Variants in ANKRD17 observed in about 807,000 individuals in gnomAD.
The protein encoded by ANKRD17 is ankyrin repeat domain 17, also known as ankyrin repeat domain-containing protein 17.
A neutral mutation model predicts 229.7 loss-of-function variants in ANKRD17; 19 were observed. The observed-to-expected ratio is 0.08, with a 90% CI of 0.06 to 0.12. The LOEUF is 0.12. Ranked by LOEUF, ANKRD17 falls within the 10% of genes least tolerant of loss-of-function variation. The pLI is 1.00. For synonymous variants in ANKRD17, 1,112 were observed against 1,146.1 expected (o/e 0.97, Z 0.60); for missense variants, 2,176 against 3,176.8 (o/e 0.68, Z 7.57).
chr4:73,158,152 AAAAGAAAGAAAGAAAG>A lies in ANKRD17; in HGVS notation c.705-2002_705-1987del, dbSNP rs71215492. Among the ~76,000 whole-genome samples, 424 of 128,808 alleles carry A rather than the reference AAAAGAAAGAAAGAAAG, an allele frequency of 3.3e-3. 5 individuals carry two copies. Among genetic ancestry groups the A allele is most frequent in the African/African-American group, 0.012 (402 of 34,418 alleles). 84.5% of individuals were successfully genotyped at this position (128,808 alleles called of 152,430 possible). A position where few individuals can be genotyped will look rare whatever the true frequency, so the allele number is the denominator to read the frequency against. Reference sequence around the variant, plus strand: ...AGAAGGAGAAAGAAAGAAAGGAAGAAAAAGAAAGAAAGAAAGAAAGAAAGAAAGAAAGAAAGAGAGA... The same window carrying A: ...AGAAGGAGAAAGAAAGAAAGGAAGAAAAAGAAAGAAAGAAAGAAAGAGAGA... On this transcript the variant is annotated intron_variant, in intron 3 of 33. Coordinates refer to ENST00000358602, the MANE Select transcript of ANKRD17 (RefSeq NM_032217.5).
At chr4:73,150,084 TTAC>T (rs1269853728) in intron 7 of ANKRD17, among the ~76,000 whole-genome samples, 2 of 152,194 alleles carry the variant, frequency 1.3e-5, no homozygotes, top group Admixed American at 6.5e-5. Flanking sequence ...TTTTAATGGC[TTAC>T]TACTTTTTTT....
chr4:73,148,450 A>C (rs1730574232), intron 8 of ANKRD17, among the ~76,000 whole-genome samples: 1 of 152,172 alleles, frequency 6.6e-6, no homozygotes, highest in Non-Finnish European at 1.5e-5. Context: ...AAAACATTAG[A>C]TCTATTAAAT....
At chr4:73,235,259 T>C (rs1447558685) in intron 1 of ANKRD17, among the ~76,000 whole-genome samples, 1 of 152,154 alleles carries the variant, frequency 6.6e-6, no homozygotes, top group Non-Finnish European at 1.5e-5. Context: ...GAATATCCCA[T>C]TCCCATCTCC....
At chr4:73,231,317 G>A (rs1230647082) in intron 1 of ANKRD17, among the ~76,000 whole-genome samples, 1 of 152,144 alleles carries the variant, frequency 6.6e-6, no homozygotes, top group African/African-American at 2.4e-5. Flanking sequence ...AAAATAATCA[G>A]GAAGTAAAAA....
intron 21 of ANKRD17, 135 bp from the exon 22 acceptor site, chr4:73,118,985 C>T: frequency 1.2e-6 from 1 of 866,200 alleles, no homozygotes; most frequent in South Asian, 1.9e-5. Context: ...CTCCAGGGGT[C>T]ATATGATTCT....
intron 1 of ANKRD17, among the ~76,000 whole-genome samples, chr4:73,196,008 T>C (rs940324394): frequency 3.4e-5 from 5 of 146,768 alleles, no homozygotes; most frequent in Admixed American, 1.3e-4. Context: ...ATGTTTCTTT[T>C]TTTTTTTTTT....
intron 1 of ANKRD17, among the ~76,000 whole-genome samples, chr4:73,198,568 G>T (rs1738209073): frequency 6.6e-6 from 1 of 151,982 alleles, no homozygotes; most frequent in Non-Finnish European, 1.5e-5. Flanking sequence ...AAAGGAGAAA[G>T]AAAAATTAAA....
At chr4:73,120,809 C>A (rs1726633785) in intron 20 of ANKRD17, 72 bp downstream of exon 20, 1 of 1,321,138 alleles carries the variant, frequency 7.6e-7, no homozygotes, top group Non-Finnish European at 1.0e-6. Flanking sequence ...AAATTATAAT[C>A]AACATGTTGC....
At chr4:73,220,037 T>A (rs1029461638) in intron 1 of ANKRD17, among the ~76,000 whole-genome samples, 8 of 152,132 alleles carry the variant, frequency 5.3e-5, no homozygotes, top group Admixed American at 3.3e-4. Flanking sequence ...AAAGCCAACA[T>A]ATAAACCACA....
At chr4:73,206,428 G>A (rs1264483610) in intron 1 of ANKRD17, among the ~76,000 whole-genome samples, 1 of 113,054 alleles carries the variant, frequency 8.8e-6, no homozygotes, top group Non-Finnish European at 2.0e-5. Context: ...AAGAAAGTGA[G>A]AGAGAGAGAG....
At chr4:73,082,158 A>T (rs917779595) in intron 30 of ANKRD17, among the ~76,000 whole-genome samples, 43 of 18,278 alleles carry the variant, frequency 2.4e-3, no homozygotes, top group Admixed American at 6.6e-3. Flanking sequence ...TTTTTATTTA[A>T]AAAAAAAAAA....
intron 29 of ANKRD17, among the ~76,000 whole-genome samples, chr4:73,089,134 C>T (rs1722511202): frequency 6.6e-6 from 1 of 150,798 alleles, no homozygotes; most frequent in Non-Finnish European, 1.5e-5. Flanking sequence ...GCCTCTAGGG[C>T]TCAAGTCATC....
At chr4:73,177,646 A>G (rs1734913591) in intron 1 of ANKRD17, 113 bp from the exon 2 acceptor site, 1 of 758,634 alleles carries the variant, frequency 1.3e-6, no homozygotes. Context: ...AACATAATTA[A>G]CAATGGTAAA....
At chr4:73,125,689 C>T (rs976895383) in intron 16 of ANKRD17, among the ~76,000 whole-genome samples, 5 of 148,568 alleles carry the variant, frequency 3.4e-5, no homozygotes, top group African/African-American at 1.0e-4. Flanking sequence ...ACCAAGATCA[C>T]GCCACTGCAC....
intron 3 of ANKRD17, 58 bp from the exon 4 acceptor site, chr4:73,156,224 C>T: frequency 6.6e-7 from 1 of 1,512,484 alleles, no homozygotes; most frequent in Non-Finnish European, 8.8e-7. Flanking sequence ...AATTGCACAG[C>T]ATAAATATTG....
intron 25 of ANKRD17, chr4:73,101,088 T>G: frequency 1.2e-6 from 1 of 854,342 alleles, no homozygotes; most frequent in Middle Eastern, 6.0e-4. Flanking sequence ...AGAATGTGCA[T>G]AATTTTTATG....
intron 2 of ANKRD17, among the ~76,000 whole-genome samples, chr4:73,164,516 A>T (rs1274318649): frequency 6.6e-6 from 1 of 152,172 alleles, no homozygotes; most frequent in Non-Finnish European, 1.5e-5. Context: ...GAAAAACAGA[A>T]AAGAGCTGGG....
rs1490534399 is a variant in ANKRD17, at chr4:73,163,052, G to A, written c.548-1704C>T. ...TGCTTTTTTTTTTTTTTTTGTTAGA[G>A]ACAGGGTCTCACTATGTTGCCCAAG... On this transcript the variant is annotated intron_variant, in intron 2 of 33. Transcript: ENST00000358602. Among the ~76,000 whole-genome samples the A allele has an allele frequency of 2.0e-5, 3 of 148,402 alleles. No homozygotes were observed. In the East Asian group the frequency reaches 5.9e-4, roughly 29 times the overall value.
At chr4:73,239,880 T>C (rs1378261224) in intron 1 of ANKRD17, among the ~76,000 whole-genome samples, 1 of 152,194 alleles carries the variant, frequency 6.6e-6, no homozygotes, top group Non-Finnish European at 1.5e-5. Context: ...TCAATAGAAT[T>C]AAATTTATCT....
Sources: gnomAD v4.1 joint callset for allele counts (sites outside exome capture counted in the v4.1 genomes callset) on GRCh38, gnomAD v4.1.1 for gene constraint, MANE v1.5 for transcripts, NCBI Gene and HGNC (gene_info 2026-07-23, HGNC 2026-07-21) for gene names.